CLSTN3: variants seen among roughly 807,000 people sequenced by gnomAD.
CLSTN3 encodes the protein calsyntenin-3.
In CLSTN3, 36 loss-of-function variants were observed where a neutral mutation model predicts 95.9. The ratio of observed to expected loss-of-function variants is 0.38; its 90% CI spans 0.29 to 0.50. The LOEUF (loss-of-function observed/expected upper bound fraction) is 0.50, where lower values mean the gene tolerates loss of function less well. Ranked by LOEUF, CLSTN3 falls within the 20% of genes least tolerant of loss-of-function variation. The pLI is 0.95. For missense variants in CLSTN3, 1,084 were observed against 1,268.8 expected, an observed-to-expected ratio of 0.85 and a Z score of 2.21; for synonymous variants, 481 against 504.0, an observed-to-expected ratio of 0.95 and a Z score of 0.61.
chr12:7,146,758 GT>G (rs1939627736), intron 12 of CLSTN3, among the ~76,000 whole-genome samples: 1 of 152,138 alleles, frequency 6.6e-6, no homozygotes, highest in African/African-American at 2.4e-5. Flanking sequence ...GTGCCTTTGG[GT>G]CAGGCCTCCT....
intron 12 of CLSTN3, among the ~76,000 whole-genome samples, chr12:7,145,721 C>T (rs1939612874): frequency 6.6e-6 from 1 of 152,166 alleles, no homozygotes. Context: ...GTTCTGCTAG[C>T]ACCTCAACCG....
rs749804758 is a variant in CLSTN3 at position 7,157,970 on chromosome 12, G to A, written c.2760G>A (p.Thr920=). The A allele has an allele frequency of 1.0e-5, 16 of 1,551,010 alleles. No homozygotes were observed. In the East Asian group the frequency reaches 1.2e-4, roughly 12 times the overall value. Residue 920 remains threonine (T), a synonymous_variant, in exon 18 of 18, where the codon ACG becomes ACA. Transcript: ENST00000266546. The surrounding 1 kb of genome is among the most constrained non-coding windows in gnomAD (Gnocchi z 5.9). ...ACCAGAATCGGCAGTCCTGTGTGACGGGGGCTGTTGGGGGCCAGCAGGAGG... is the reference window on the plus strand; with the variant it reads ...ACCAGAATCGGCAGTCCTGTGTGACAGGGGCTGTTGGGGGCCAGCAGGAGG... ...ESYQNRQSCV[T]GAVGGQQEDE...
chr12:7,135,667 T>G, intron 4 of CLSTN3, 132 bp downstream of exon 4: 1 of 1,347,872 alleles, frequency 7.4e-7, no homozygotes, highest in Non-Finnish European at 1.0e-6. Flanking sequence ...AAATGGAGCC[T>G]TCTCCTCCCA....
intron 8 of CLSTN3, among the ~76,000 whole-genome samples, chr12:7,140,992 A>C (rs1438379690): frequency 6.6e-6 from 1 of 152,212 alleles, no homozygotes; most frequent in Non-Finnish European, 1.5e-5. Flanking sequence ...TACTCCTCTT[A>C]GGAATATTTA....
chr12:7,151,192 T>C, intron 16 of CLSTN3, 129 bp downstream of exon 16: 1 of 1,103,916 alleles, frequency 9.1e-7, no homozygotes, highest in Non-Finnish European at 1.2e-6. Context: ...TTCCCTGTGG[T>C]ACCTGCCTTA....
intron 1 of CLSTN3, chr12:7,131,085 T>G: frequency 5.0e-6 from 2 of 402,758 alleles, no homozygotes; most frequent in African/African-American, 2.0e-5. Flanking sequence ...GGCTCTCCCT[T>G]TCACTGGCGC....
Position 7,137,036 on chromosome 12 carries a change from G to T in CLSTN3, c.1136G>T (p.Trp379Leu). ...SLSDHFTLSF[W>L]MKHGVTPNKG... ...AGTGACCACTTCACCCTGTCCTTCT[G>T]GATGAAGCATGGCGTAACTCCCAAC... The change falls in exon 7 of 18, where the codon TGG (tryptophan) becomes TTG (leucine). Residue 379 changes from tryptophan (W) to leucine (L), a missense_variant. Trp to Leu is a moderately conservative substitution (Grantham distance 61, BLOSUM62 -2). Transcript: ENST00000266546. The surrounding 1 kb of genome is among the most constrained non-coding windows in gnomAD (Gnocchi z 4.4). 6.2e-7 allele frequency: 1 copy of T among 1,614,198 alleles called. No homozygotes were observed. Among genetic ancestry groups the T allele is most frequent in the Non-Finnish European group, 8.5e-7 (1 of 1,180,036 alleles).
Position 7,142,123 on chromosome 12 carries a change from T to C in CLSTN3, c.1524T>C (p.Ser508=), listed in dbSNP as rs2135804215. ...KNKEKEKGDN[S]TDTTQGDPLS... ...AAGAGAAGGAAAAGGGAGACAACAG[T>C]ACAGACACCACCCAAGGTACTCCGT... The change falls in exon 10 of 18, where the codon AGT becomes AGC. Residue 508 remains serine, a synonymous_variant. Coordinates refer to ENST00000266546, the MANE Select transcript of CLSTN3 (RefSeq NM_014718.4). The C allele has an allele frequency of 6.2e-7, 1 of 1,609,094 alleles. No individual in the cohort carries two copies. Among genetic ancestry groups the C allele is most frequent in the East Asian group, 2.2e-5 (1 of 44,784 alleles).
At chr12:7,139,655 TA>T (rs138608718) in intron 8 of CLSTN3, among the ~76,000 whole-genome samples, 14,928 of 82,262 alleles carry the variant, frequency 0.18, 808 homozygotes, top group South Asian at 0.41. Context: ...TTATTATTAT[TA>T]TTTTTTTTTT....
rs189282788 is a variant in CLSTN3 at position 7,136,245 on chromosome 12, G to A, written c.782G>A (p.Ser261Asn). 193 of 1,614,210 alleles carry A rather than the reference G, an allele frequency of 1.2e-4. No homozygotes were observed. The East Asian group carries it at 3.6e-3, about 30-fold the overall frequency. The change falls in exon 6 of 18, where the codon AGC (serine) becomes AAC (asparagine). Residue 261 changes from serine (S) to asparagine (N), a missense_variant. Ser to Asn is a conservative substitution (Grantham distance 46, BLOSUM62 1). Coordinates refer to ENST00000266546, the MANE Select transcript of CLSTN3 (RefSeq NM_014718.4). ...KRIEYAPGAG[S>N]LALFPGIRLE... ...ATCGAATATGCACCAGGTGCTGGGA[G>A]CTTGGCTTTGTTCCCTGGTATCCGC...
chr12:7,152,703 G>A (rs1162274792), intron 16 of CLSTN3, among the ~76,000 whole-genome samples: 1 of 152,152 alleles, frequency 6.6e-6, no homozygotes, highest in Admixed American at 6.5e-5. Flanking sequence ...CTGTGCTCGG[G>A]GGATTACGCT....
chr12:7,155,962 G>C, intron 16 of CLSTN3: 1 of 318,370 alleles, frequency 3.1e-6, no homozygotes, highest in South Asian at 2.5e-5. Flanking sequence ...GGGTGTGAGT[G>C]TGAGGAGCTC....
At chr12:7,153,238 C>T (rs1019780949) in intron 16 of CLSTN3, among the ~76,000 whole-genome samples, 16 of 152,164 alleles carry the variant, frequency 1.1e-4, no homozygotes, top group Non-Finnish European at 2.1e-4. Context: ...ACTGGAGCCT[C>T]GAACTCCTGA....
At chr12:7,144,254 A>G (rs972294632) in intron 12 of CLSTN3, among the ~76,000 whole-genome samples, 1 of 151,642 alleles carries the variant, frequency 6.6e-6, no homozygotes, top group Non-Finnish European at 1.5e-5. Context: ...AAAAAAAAAA[A>G]AGTTTACTGA....
In CLSTN3 at chr12:7,136,927, A is replaced by C; in HGVS notation, c.1027A>C (p.Ile343Leu). The C allele has an allele frequency of 6.2e-7, 1 of 1,613,994 alleles. No individual in the cohort carries two copies. Among genetic ancestry groups the C allele is most frequent in the Non-Finnish European group, 8.5e-7 (1 of 1,179,980 alleles). ...GCACTACAGCCAGGACAGCAGCCTG[A>C]TCTACTGGTTCAATGGCACCCAGGC... ...SVHYSQDSSL[I>L]YWFNGTQAVQ... is the part of the protein sequence containing the mutation. The change falls in exon 7 of 18, where the codon ATC becomes CTC. Residue 343 changes from isoleucine (I) to leucine (L), a missense_variant. Physicochemically the swap from Ile to Leu is conservative, Grantham distance 5 (BLOSUM62 2). Coordinates refer to ENST00000266546, the MANE Select transcript of CLSTN3 (RefSeq NM_014718.4).
chr12:7,156,515 C>T (rs893887586), intron 16 of CLSTN3: 2 of 456,710 alleles, frequency 4.4e-6, no homozygotes, highest in African/African-American at 4.0e-5. Flanking sequence ...GCTGGAGACC[C>T]CCAGACGCGT....
At position 7,130,559 on chromosome 12, in the gene CLSTN3, C is replaced by T. The variant is rs1939276579; in HGVS notation, c.-90C>T. The T allele has an allele frequency of 6.5e-7, 1 of 1,547,910 alleles. No homozygotes were observed. The highest frequency in any genetic ancestry group is 8.7e-7 in the Non-Finnish European group (1 of 1,146,774). ...CTGCTGTACCCCGCTCCTTGGAGAC[C>T]CCCTGTATCCCTCCCGCAAGGTGGA... On this transcript the variant is annotated 5_prime_UTR_variant, in exon 1 of 18. Transcript: ENST00000266546.
chr12:7,152,205 T>C (rs1006870864), intron 16 of CLSTN3, among the ~76,000 whole-genome samples: 1 of 152,246 alleles, frequency 6.6e-6, no homozygotes, highest in Non-Finnish European at 1.5e-5. Context: ...GATTAGCCTA[T>C]TTTGTAACCT....
intron 16 of CLSTN3, among the ~76,000 whole-genome samples, chr12:7,151,746 A>T (rs1466442191): frequency 6.6e-6 from 1 of 152,158 alleles, no homozygotes; most frequent in Admixed American, 6.5e-5. Flanking sequence ...AGAAAATATC[A>T]AATATTTCTT....
Sources: allele counts gnomAD v4.1 joint callset (sites outside exome capture counted in the v4.1 genomes callset), GRCh38; gene constraint gnomAD v4.1.1; non-coding constraint Gnocchi (gnomAD v3.1); transcripts MANE v1.5; gene names NCBI Gene and HGNC (gene_info 2026-07-23, HGNC 2026-07-21).